GAB1: variants seen among roughly 807,000 people sequenced by gnomAD.
GAB1 encodes GRB2-associated-binding protein 1.
Under a neutral mutation model 66.5 loss-of-function variants are expected in GAB1, and 19 were observed. That is an observed-to-expected ratio of 0.29 (90% CI 0.20 to 0.42). The LOEUF (loss-of-function observed/expected upper bound fraction) is 0.42, where lower values mean the gene tolerates loss of function less well. Among genes scored for constraint, GAB1 ranks in the 10% least tolerant of loss-of-function variants. GAB1 has a pLI of 1.00. For synonymous variants in GAB1, 294 were observed against 301.4 expected, an observed-to-expected ratio of 0.98 and a Z score of 0.25; for missense variants, 732 against 858.5, an observed-to-expected ratio of 0.85 and a Z score of 1.84.
chr4:143,415,474 T>G lies in GAB1; in HGVS notation c.73-3T>G. On this transcript the variant is annotated splice_region_variant and splice_polypyrimidine_tract_variant and intron_variant, in intron 1 of 9. Transcript: ENST00000262994. ...TGAATGGATATTTTTGTTTTGTTTC[T>G]AGGCATGGAAGAGGAGATGGTTCGT... The G allele has an allele frequency of 1.3e-6, 2 of 1,589,254 alleles. No individual in the cohort carries two copies. The highest frequency in any genetic ancestry group is 2.7e-5 in the African/African-American group (2 of 74,038).
chr4:143,382,229 G>A (rs1357179337), intron 1 of GAB1, among the ~76,000 whole-genome samples: 5 of 151,920 alleles, frequency 3.3e-5, no homozygotes, highest in South Asian at 2.1e-4. Context: ...TCTCTTCCTC[G>A]GTTAACTAAA....
At chr4:143,461,112 T>A (rs1382666247) in intron 8 of GAB1, among the ~76,000 whole-genome samples, 1 of 152,216 alleles carries the variant, frequency 6.6e-6, no homozygotes, top group Non-Finnish European at 1.5e-5. Context: ...ATCAGGTAGT[T>A]GCCAGAAAAT....
At chr4:143,447,647 G>C (rs1734638088) in intron 6 of GAB1, among the ~76,000 whole-genome samples, 1 of 152,196 alleles carries the variant, frequency 6.6e-6, no homozygotes, top group Non-Finnish European at 1.5e-5. Flanking sequence ...TGTGTCCTGA[G>C]ACTTTGCTGA....
intron 1 of GAB1, among the ~76,000 whole-genome samples, chr4:143,361,922 T>TTTG (rs1729678710): frequency 6.6e-6 from 1 of 151,022 alleles, no homozygotes; most frequent in African/African-American, 2.4e-5. Context: ...GTGGTTTTTT[T>TTTG]TTGTTTTTTG....
chr4:143,406,352 G>T (rs956678238), intron 1 of GAB1, among the ~76,000 whole-genome samples: 11 of 152,222 alleles, frequency 7.2e-5, no homozygotes, highest in African/African-American at 2.6e-4. Flanking sequence ...CAGTGCTCAT[G>T]GTTCTTTATT....
At chr4:143,433,380 C>T in intron 2 of GAB1, 111 bp from the exon 3 acceptor site, 1 of 724,996 alleles carries the variant, frequency 1.4e-6, no homozygotes, top group Non-Finnish European at 2.4e-6. Context: ...CTGACATTGT[C>T]ATGATTTATT....
chr4:143,454,083 C>T (rs1578742809), intron 6 of GAB1, among the ~76,000 whole-genome samples: 1 of 152,210 alleles, frequency 6.6e-6, no homozygotes, highest in Admixed American at 6.5e-5. Flanking sequence ...TAGAAAAGGG[C>T]TGAAATTTTA....
intron 6 of GAB1, among the ~76,000 whole-genome samples, chr4:143,450,364 T>A (rs1477464023): frequency 6.6e-6 from 1 of 152,120 alleles, no homozygotes; most frequent in East Asian, 1.9e-4. Flanking sequence ...TTGGGAAGAG[T>A]AAAAAATTTA....
chr4:143,437,463 T>C (rs982996014), intron 3 of GAB1, among the ~76,000 whole-genome samples: 1 of 152,202 alleles, frequency 6.6e-6, no homozygotes, highest in Non-Finnish European at 1.5e-5. Flanking sequence ...GAAAGGAAGA[T>C]ATATGAAAAC....
chr4:143,426,520 G>C (rs551528765), intron 2 of GAB1, among the ~76,000 whole-genome samples: 34 of 152,268 alleles, frequency 2.2e-4, no homozygotes, highest in Non-Finnish European at 4.4e-4. Context: ...TCCAGCCTGG[G>C]CACAGAGGGA....
At chr4:143,414,462 GTAT>G (rs1732570496) in intron 1 of GAB1, among the ~76,000 whole-genome samples, 1 of 152,164 alleles carries the variant, frequency 6.6e-6, no homozygotes, top group Non-Finnish European at 1.5e-5. Context: ...TGTGGTGAGT[GTAT>G]TACAGATTGC....
At chr4:143,344,844 TA>T (rs1728938786) in intron 1 of GAB1, among the ~76,000 whole-genome samples, 1 of 152,252 alleles carries the variant, frequency 6.6e-6, no homozygotes, top group South Asian at 2.1e-4. Flanking sequence ...CTCCCTAGTT[TA>T]AAAGGTCGCA....
At chr4:143,410,556 C>G (rs757718012) in intron 1 of GAB1, among the ~76,000 whole-genome samples, 1 of 152,180 alleles carries the variant, frequency 6.6e-6, no homozygotes, top group Non-Finnish European at 1.5e-5. Flanking sequence ...GCCTTAAGAC[C>G]TAGCTTCAGT....
intron 8 of GAB1, among the ~76,000 whole-genome samples, chr4:143,461,498 G>A (rs372377982): frequency 6.6e-6 from 1 of 152,278 alleles, no homozygotes; most frequent in East Asian, 1.9e-4. Flanking sequence ...GTGGAGGAAA[G>A]AGAGAAAAAG....
intron 1 of GAB1, among the ~76,000 whole-genome samples, chr4:143,339,972 CG>C (rs1340924021): frequency 6.6e-6 from 1 of 151,972 alleles, no homozygotes; most frequent in Non-Finnish European, 1.5e-5. Flanking sequence ...GTAGACAGGG[CG>C]GCTGTCAGAA....
At chr4:143,466,765 A>C (rs983090894) in intron 9 of GAB1, among the ~76,000 whole-genome samples, 1 of 152,078 alleles carries the variant, frequency 6.6e-6, no homozygotes, top group African/African-American at 2.4e-5. Context: ...TGCTGGGATT[A>C]CAGGCAGGAG....
chr4:143,450,284 T>C (rs1734846157), intron 6 of GAB1, among the ~76,000 whole-genome samples: 1 of 152,210 alleles, frequency 6.6e-6, no homozygotes, highest in African/African-American at 2.4e-5. Flanking sequence ...CAAATGATAA[T>C]GTGAATTACT....
At chr4:143,378,078 C>T (rs1207727501) in intron 1 of GAB1, among the ~76,000 whole-genome samples, 2 of 152,048 alleles carry the variant, frequency 1.3e-5, no homozygotes, top group Non-Finnish European at 2.9e-5. Flanking sequence ...TGATGTATAG[C>T]GTATAAAAAC....
chr4:143,436,247 T>C (rs1003653953), intron 3 of GAB1, among the ~76,000 whole-genome samples: 2 of 152,104 alleles, frequency 1.3e-5, no homozygotes, highest in Non-Finnish European at 2.9e-5. Flanking sequence ...AGGAGAGATG[T>C]GAGCAAGCAT....
Sources: allele counts gnomAD v4.1 joint callset (sites outside exome capture counted in the v4.1 genomes callset), GRCh38; gene constraint gnomAD v4.1.1; transcripts MANE v1.5; gene names NCBI Gene and HGNC (gene_info 2026-07-23, HGNC 2026-07-21).